Variants in PPP2R2B observed in about 807,000 individuals in gnomAD.
PPP2R2B encodes the protein serine/threonine-protein phosphatase 2A 55 kDa regulatory subunit B beta isoform.
A neutral mutation model predicts 46.0 loss-of-function variants in PPP2R2B; 5 were observed. The ratio of observed to expected loss-of-function variants is 0.11; its 90% CI spans 0.06 to 0.23. The LOEUF (loss-of-function observed/expected upper bound fraction) is 0.23, where lower values mean the gene tolerates loss of function less well. Among genes scored for constraint, PPP2R2B ranks in the 10% least tolerant of loss-of-function variants. The pLI, the probability that PPP2R2B is intolerant of heterozygous loss-of-function variation, is 1.00. For synonymous variants in PPP2R2B, 215 were observed against 206.7 expected, an observed-to-expected ratio of 1.04 and a Z score of -0.34; for missense variants, 367 against 575.0, an observed-to-expected ratio of 0.64 and a Z score of 3.70.
intron 2 of PPP2R2B, among the ~76,000 whole-genome samples, chr5:146,730,758 A>G (rs577989343): frequency 1.3e-5 from 2 of 152,292 alleles, no homozygotes; most frequent in East Asian, 3.9e-4. Context: ...GACATGTGGA[A>G]CTGTAAGTCC....
chr5:146,593,068 G>C lies in PPP2R2B; in HGVS notation c.961-6C>G. 6.2e-7 allele frequency: 1 copy of C among 1,602,356 alleles called. No homozygotes were observed. Among genetic ancestry groups the C allele is most frequent in the Non-Finnish European group, 8.6e-7 (1 of 1,169,216 alleles). On this transcript the variant is annotated splice_polypyrimidine_tract_variant and splice_region_variant and intron_variant, in intron 8 of 9. Transcript: ENST00000394411. ...CTGCGGAGGTAGTCATGAACCTGGA[G>C]AGGAAACATATCGAGAAGGTCAGTT...
intron 2 of PPP2R2B, among the ~76,000 whole-genome samples, chr5:146,804,928 T>C (rs1001626279): frequency 6.6e-6 from 1 of 152,168 alleles, no homozygotes; most frequent in Non-Finnish European, 1.5e-5. Flanking sequence ...AGCATTCTAA[T>C]AATTTAATTT....
At chr5:146,751,653 G>T (rs1037844616) in intron 2 of PPP2R2B, 1 of 152,204 alleles carries the variant, frequency 6.6e-6, no homozygotes, top group African/African-American at 2.4e-5. Context: ...CCCTCATGGA[G>T]TTTACATTCT....
intron 2 of PPP2R2B, among the ~76,000 whole-genome samples, chr5:146,787,730 G>C (rs937035638): frequency 6.6e-6 from 1 of 152,044 alleles, no homozygotes; most frequent in South Asian, 2.1e-4. Flanking sequence ...ACTATGCCTG[G>C]CTAAGTTTTG....
chr5:146,654,242 CCT>C (rs765658448), intron 5 of PPP2R2B, among the ~76,000 whole-genome samples: 1 of 152,152 alleles, frequency 6.6e-6, no homozygotes, highest in Non-Finnish European at 1.5e-5. Context: ...AAGGAAGATT[CCT>C]CTGTTTGCCC....
intron 5 of PPP2R2B, among the ~76,000 whole-genome samples, chr5:146,660,935 A>G (rs1172765699): frequency 6.6e-6 from 1 of 152,224 alleles, no homozygotes; most frequent in Non-Finnish European, 1.5e-5. Flanking sequence ...CTAAGTAAAT[A>G]CATTGTTATA....
intron 2 of PPP2R2B, among the ~76,000 whole-genome samples, chr5:146,836,739 A>G (rs1759308889): frequency 6.6e-6 from 1 of 152,240 alleles, no homozygotes; most frequent in African/African-American, 2.4e-5. Flanking sequence ...AGCTACAGAC[A>G]CAGATGTAGT....
At position 146,958,841 on chromosome 5, in the gene PPP2R2B, A is replaced by C. The variant is rs550174893; in HGVS notation, c.79+96824T>G. ...CTTAGCTCTTTGTATGTATTAACCA[A>C]TTTAAACCTCACAACAAACTTATGC... On this transcript the variant is annotated intron_variant, in intron 1 of 8. Coordinates refer to the PPP2R2B transcript ENST00000336640. 5.9e-5 allele frequency among the ~76,000 whole-genome samples: 9 copies of C among 152,270 alleles called. No homozygotes were observed. In the South Asian group the frequency reaches 1.9e-3, roughly 32 times the overall value.
chr5:146,958,914 G>A (rs1291864963), intron 1 of PPP2R2B, among the ~76,000 whole-genome samples: 1 of 152,180 alleles, frequency 6.6e-6, no homozygotes, highest in Non-Finnish European at 1.5e-5. Context: ...CTATGGCACA[G>A]AGAAATTAAA....
At chr5:146,877,649 GC>G (rs1219433121) in intron 2 of PPP2R2B, among the ~76,000 whole-genome samples, 1 of 152,094 alleles carries the variant, frequency 6.6e-6, no homozygotes, top group South Asian at 2.1e-4. Flanking sequence ...GTCCTACTGG[GC>G]CCCTCCCTTC....
intron 2 of PPP2R2B, among the ~76,000 whole-genome samples, chr5:146,831,314 T>C (rs1758915282): frequency 6.6e-6 from 1 of 151,880 alleles, no homozygotes; most frequent in South Asian, 2.1e-4. Flanking sequence ...CTGGGCAACA[T>C]GGCGAAACCC....
chr5:146,966,952 G>T (rs926299028), intron 1 of PPP2R2B, among the ~76,000 whole-genome samples: 2 of 152,074 alleles, frequency 1.3e-5, no homozygotes, highest in Non-Finnish European at 2.9e-5. Context: ...CAACAAGCAT[G>T]GTTCCCCTTT....
At chr5:146,802,435 C>T (rs1389063792) in intron 2 of PPP2R2B, among the ~76,000 whole-genome samples, 2 of 152,144 alleles carry the variant, frequency 1.3e-5, no homozygotes, top group Non-Finnish European at 2.9e-5. Context: ...TATTTGTGAG[C>T]ACAAAAGAAT....
intron 7 of PPP2R2B, among the ~76,000 whole-genome samples, chr5:146,618,070 CTA>C (rs1773360646): frequency 6.6e-6 from 1 of 152,126 alleles, no homozygotes; most frequent in Admixed American, 6.5e-5. Context: ...ACCCTAATCC[CTA>C]GAACCTGTGA....
At chr5:146,771,064 A>G (rs548471829) in intron 2 of PPP2R2B, among the ~76,000 whole-genome samples, 6 of 152,198 alleles carry the variant, frequency 3.9e-5, no homozygotes, top group Non-Finnish European at 8.8e-5. Flanking sequence ...ACAAATAAAT[A>G]GAAATTATAA....
chr5:146,673,082 G>A (rs460011), intron 5 of PPP2R2B, among the ~76,000 whole-genome samples: 116,516 of 152,156 alleles, frequency 0.77, 46,037 homozygotes, highest in Non-Finnish European at 0.86. Context: ...GAAGGGACCA[G>A]TGCCAATAAA....
rs558504838 is a variant in PPP2R2B, at chr5:146,651,855, A to G, written c.448-1131T>C. Among the ~76,000 whole-genome samples the G allele has an allele frequency of 1.2e-4, 18 of 152,346 alleles. No homozygotes were observed. The South Asian group carries it at 3.7e-3, about 32-fold the overall frequency. On this transcript the variant is annotated intron_variant, in intron 5 of 9. Transcript: ENST00000394411. Reference sequence around the variant, plus strand: ...ACAAAAGTTAAATTTTCTGAAGTGCAGTCACCTCACCAACATAACCTTTTA... The same window carrying G: ...ACAAAAGTTAAATTTTCTGAAGTGCGGTCACCTCACCAACATAACCTTTTA...
Position 147,027,457 on chromosome 5 carries a change from A to C in PPP2R2B, c.79+28208T>G, listed in dbSNP as rs1272668184. Among the ~76,000 whole-genome samples the C allele has an allele frequency of 3.9e-5, 6 of 152,060 alleles. No homozygotes were observed. The South Asian group carries it at 1.2e-3, about 32-fold the overall frequency. On this transcript the variant is annotated intron_variant, in intron 1 of 8. Transcript: ENST00000336640. ...AGACCATCCTGGCCAACATGGTGAC[A>C]CCTCGTCTCTACTAAAAATACAAAA...
chr5:146,893,112 T>G (rs372967926), intron 1 of PPP2R2B, among the ~76,000 whole-genome samples: 1 of 152,186 alleles, frequency 6.6e-6, no homozygotes, highest in Non-Finnish European at 1.5e-5. Flanking sequence ...CATCCATCCA[T>G]TTATTCCCTC....
Sources: allele counts gnomAD v4.1 joint callset (sites outside exome capture counted in the v4.1 genomes callset), GRCh38; gene constraint gnomAD v4.1.1; transcripts MANE v1.5; gene names NCBI Gene and HGNC (gene_info 2026-07-23, HGNC 2026-07-21).